LGALS8: variants seen among roughly 807,000 people sequenced by gnomAD.
LGALS8 encodes galectin 8.
A neutral mutation model predicts 35.9 loss-of-function variants in LGALS8; 30 were observed. The observed-to-expected ratio is 0.83, with a 90% CI of 0.62 to 1.13. The LOEUF is 1.13. Ranked by LOEUF, LGALS8 falls within the 50% of genes most tolerant of loss-of-function variation. The probability of loss-of-function intolerance (pLI) is 0.00; values close to 1 mark genes in which losing one functional copy is unlikely to be tolerated. For missense variants in LGALS8, 366 were observed against 388.7 expected, an observed-to-expected ratio of 0.94 and a Z score of 0.49; for synonymous variants, 138 against 136.1, an observed-to-expected ratio of 1.01 and a Z score of -0.10.
At chr1:236,522,954 G>A (rs1007772685), upstream of LGALS8, 2 of 152,250 alleles carry the variant, frequency 1.3e-5, no homozygotes, top group Non-Finnish European at 2.9e-5. Flanking sequence ...GGAGGAGAAA[G>A]CCCACGTTAA....
At chr1:236,543,524 G>A in intron 7 of LGALS8, 36 bp from the exon 8 acceptor site, 2 of 1,474,882 alleles carry the variant, frequency 1.4e-6, no homozygotes, top group African/African-American at 1.4e-5. Flanking sequence ...ATCGCTTTCT[G>A]CAGGCCTCTT....
At chr1:236,525,455 T>C (rs1375162052) in intron 1 of LGALS8, 1 of 151,598 alleles carries the variant, frequency 6.6e-6, no homozygotes, top group Non-Finnish European at 1.5e-5. Flanking sequence ...CAGGCTGGAG[T>C]GCAGTGGCAC....
intron 5 of LGALS8, among the ~76,000 whole-genome samples, chr1:236,541,036 TTCAG>T (rs1183734893): frequency 3.3e-5 from 5 of 152,220 alleles, no homozygotes; most frequent in Non-Finnish European, 5.9e-5. Context: ...ATAAGGACAG[TTCAG>T]TCAAAGATGA....
At chr1:236,527,877 A>G (rs1360700275) in intron 2 of LGALS8, among the ~76,000 whole-genome samples, 1 of 151,984 alleles carries the variant, frequency 6.6e-6, no homozygotes, top group African/African-American at 2.4e-5. Context: ...CTGGGACTGC[A>G]GGCACGTGCT....
At chr1:236,544,030 C>T (rs1458049065) in intron 8 of LGALS8, among the ~76,000 whole-genome samples, 4 of 152,052 alleles carry the variant, frequency 2.6e-5, no homozygotes, top group African/African-American at 4.8e-5. Context: ...CCACAACCTC[C>T]GCTTCCTGGG....
chr1:236,536,664 A>C (rs76715851), intron 2 of LGALS8: 1 of 152,452 alleles, frequency 6.6e-6, no homozygotes, highest in South Asian at 2.1e-4. Flanking sequence ...AGTCCAGCAG[A>C]GAAGAGCAGG....
chr1:236,524,370 A>T, intron 1 of LGALS8: 1 of 456,648 alleles, frequency 2.2e-6, no homozygotes, highest in South Asian at 1.5e-5. Context: ...TCCTCGCTGC[A>T]AACCCACCCC....
chr1:236,537,307 G>A (rs559394973), intron 2 of LGALS8, among the ~76,000 whole-genome samples, 190 bp from the exon 3 acceptor site: 4 of 152,218 alleles, frequency 2.6e-5, no homozygotes, highest in South Asian at 2.1e-4. Context: ...GAGCCACCGC[G>A]CCCGGCCGCA....
Position 236,550,605 on chromosome 1 carries a change from T to A in LGALS8, c.*2444T>A. On this transcript the variant is annotated 3_prime_UTR_variant, in exon 10 of 10. Transcript: ENST00000366584. Reference sequence around the variant, plus strand: ...AGCTTTGGGTGCTAAAATTAACAAGTCTAATATTATTACCATCAATCAGGA... The same window carrying A: ...AGCTTTGGGTGCTAAAATTAACAAGACTAATATTATTACCATCAATCAGGA... 1 of 309,364 alleles carries A rather than the reference T, an allele frequency of 3.2e-6. No homozygotes were observed. Among genetic ancestry groups the A allele is most frequent in the Non-Finnish European group, 5.9e-6 (1 of 169,488 alleles). The allele number at this position is 309,364 out of a possible 1,614,324, so 19.2% of individuals were successfully genotyped here.
rs917291045 is a variant in LGALS8, at chr1:236,551,136, C to T, written c.*2975C>T. ...TGAAGCACATTAACAAAGCAGGAGG[C>T]GCCACGGACCGCCTCCCTCCACACC... On this transcript the variant is annotated 3_prime_UTR_variant, in exon 10 of 10. Transcript: ENST00000366584. 13 of 613,708 alleles carry T rather than the reference C, an allele frequency of 2.1e-5. No homozygotes were observed. Among genetic ancestry groups the T allele is most frequent in the African/African-American group, 1.3e-4 (7 of 53,694 alleles). The allele number at this position is 613,708 out of a possible 1,614,324, so 38.0% of individuals were successfully genotyped here. A position where few individuals can be genotyped will look rare whatever the true frequency, so the allele number is the denominator to read the frequency against.
At chr1:236,521,063 T>C (rs575069433), upstream of LGALS8, among the ~76,000 whole-genome samples, 1 of 152,344 alleles carries the variant, frequency 6.6e-6, no homozygotes, top group East Asian at 1.9e-4. Flanking sequence ...CATCACTGTA[T>C]GTGTCCTCAA....
Position 236,548,274 on chromosome 1 carries a change from G to C in LGALS8, c.*113G>C. ...TTGTTTATATTGTTAAAATGAGCTT[G>C]TGCACCATTAGGTCCTGCTGGGTGT... On this transcript the variant is annotated 3_prime_UTR_variant, in exon 10 of 10. Coordinates refer to ENST00000366584, the MANE Select transcript of LGALS8 (RefSeq NM_201544.4). 1 of 1,033,112 alleles carries C rather than the reference G, an allele frequency of 9.7e-7. No individual in the cohort carries two copies. Among genetic ancestry groups the C allele is most frequent in the Non-Finnish European group, 1.4e-6 (1 of 702,554 alleles). The allele number at this position is 1,033,112 out of a possible 1,614,324, so 64.0% of individuals were successfully genotyped here.
At chr1:236,519,528 C>G (rs893629654), upstream of LGALS8, among the ~76,000 whole-genome samples, 1 of 152,148 alleles carries the variant, frequency 6.6e-6, no homozygotes, top group Non-Finnish European at 1.5e-5. Flanking sequence ...CTGCATAACT[C>G]TCAGGCAGTT....
At chr1:236,528,165 G>A (rs889910349) in intron 2 of LGALS8, among the ~76,000 whole-genome samples, 10 of 152,070 alleles carry the variant, frequency 6.6e-5, no homozygotes, top group South Asian at 4.1e-4. Context: ...GGTGGATCAC[G>A]AGGTCAGGAG....
At chr1:236,546,249 C>G (rs1662355550) in intron 9 of LGALS8, among the ~76,000 whole-genome samples, 1 of 152,150 alleles carries the variant, frequency 6.6e-6, no homozygotes, top group Non-Finnish European at 1.5e-5. Flanking sequence ...ATGTTATATG[C>G]TTTTGAACAA....
chr1:236,545,032 TG>T, intron 9 of LGALS8, 117 bp downstream of exon 9: 1 of 774,212 alleles, frequency 1.3e-6, no homozygotes, highest in Non-Finnish European at 2.0e-6. Flanking sequence ...GTATGTTTTT[TG>T]TTTACTTGGA....
Position 236,544,849 on chromosome 1 carries a change from G to T in LGALS8, c.738G>T (p.Gln246His). 6.2e-7 allele frequency: 1 copy of T among 1,613,602 alleles called. No individual in the cohort carries two copies. Among genetic ancestry groups the T allele is most frequent in the Non-Finnish European group, 8.5e-7 (1 of 1,179,618 alleles). ...IKAFVRNSFL[Q>H]ESWGEEERNI... ...CATTTGTAAGAAATTCTTTTCTTCA[G>T]GAGTCCTGGGGAGAAGAAGAGAGAA... Residue 246 changes from glutamine to histidine, a missense_variant, in exon 9 of 10, where the codon CAG becomes CAT. Gln to His is a conservative substitution (Grantham distance 24, BLOSUM62 0). Transcript: ENST00000366584.
chr1:236,538,059 C>G (rs2472122), intron 3 of LGALS8, among the ~76,000 whole-genome samples: 79,435 of 134,734 alleles, frequency 0.59, 24,718 homozygotes, highest in Non-Finnish European at 0.68. Flanking sequence ...GAGCTGTGAT[C>G]GAGCCACTGC....
intron 7 of LGALS8, 147 bp from the exon 8 acceptor site, chr1:236,543,413 C>A: frequency 1.4e-6 from 1 of 728,512 alleles, no homozygotes; most frequent in Non-Finnish European, 2.5e-6. Context: ...GCAGGGGACC[C>A]AGCTGGGACC....
Sources: gnomAD v4.1 joint callset for allele counts (sites outside exome capture counted in the v4.1 genomes callset) on GRCh38, gnomAD v4.1.1 for gene constraint, MANE v1.5 for transcripts, NCBI Gene and HGNC (gene_info 2026-07-23, HGNC 2026-07-21) for gene names.